Variants in FARSB observed in about 807,000 individuals in gnomAD.
FARSB encodes phenylalanine--tRNA ligase beta subunit.
Under a neutral mutation model 69.6 loss-of-function variants are expected in FARSB, and 40 were observed. That is an observed-to-expected ratio of 0.57 (90% CI 0.45 to 0.75). FARSB has a LOEUF of 0.75. Among genes scored for constraint, FARSB ranks in the 30% least tolerant of loss-of-function variants. The probability of loss-of-function intolerance (pLI) is 0.00; values close to 1 mark genes in which losing one functional copy is unlikely to be tolerated. For missense variants in FARSB, 632 were observed against 722.9 expected (o/e 0.87, Z 1.44); for synonymous variants, 235 against 247.2 (o/e 0.95, Z 0.46).
At chr2:222,617,469 A>C (rs1691027304) in intron 14 of FARSB, among the ~76,000 whole-genome samples, 2 of 152,188 alleles carry the variant, frequency 1.3e-5, no homozygotes, top group African/African-American at 4.8e-5. Context: ...GAGCTGAAAA[A>C]CTACCTATTG....
At chr2:222,598,950 A>G (rs1690493747) in intron 16 of FARSB, among the ~76,000 whole-genome samples, 1 of 152,178 alleles carries the variant, frequency 6.6e-6, no homozygotes, top group South Asian at 2.1e-4. Flanking sequence ...TTAAAAAAAA[A>G]AAAAGAACCA....
chr2:222,602,585 T>A (rs769273822), intron 15 of FARSB, among the ~76,000 whole-genome samples: 77 of 151,608 alleles, frequency 5.1e-4, no homozygotes, highest in African/African-American at 8.2e-4. Flanking sequence ...TTTTTTTTTT[T>A]ATACCATATT....
chr2:222,653,583 C>T (rs2106019883), intron 1 of FARSB, among the ~76,000 whole-genome samples: 1 of 152,108 alleles, frequency 6.6e-6, no homozygotes, highest in East Asian at 1.9e-4. Flanking sequence ...TCATTTCTGA[C>T]CTCTTGAAAG....
chr2:222,594,386 TAA>T (rs1690358522), intron 16 of FARSB, among the ~76,000 whole-genome samples: 1 of 152,160 alleles, frequency 6.6e-6, no homozygotes, highest in East Asian at 1.9e-4. Context: ...TAAATAACAT[TAA>T]GAGTTACCCA....
intron 2 of FARSB, among the ~76,000 whole-genome samples, chr2:222,647,680 G>A (rs978869567): frequency 2.6e-5 from 4 of 152,214 alleles, no homozygotes; most frequent in East Asian, 1.9e-4. Context: ...CAGGAGAATC[G>A]CCTGAACCCA....
chr2:222,595,258 T>A (rs898496975), intron 16 of FARSB, among the ~76,000 whole-genome samples: 16 of 152,230 alleles, frequency 1.1e-4, no homozygotes, highest in Non-Finnish European at 2.1e-4. Flanking sequence ...TGAACACTTT[T>A]ACTTCAACAA....
intron 14 of FARSB, among the ~76,000 whole-genome samples, chr2:222,618,719 A>G (rs1257750796): frequency 6.6e-6 from 1 of 152,236 alleles, no homozygotes; most frequent in Non-Finnish European, 1.5e-5. Context: ...CTGCCAATAA[A>G]CTTAGACAAT....
At chr2:222,573,139 G>A (rs1445384167) in intron 16 of FARSB, among the ~76,000 whole-genome samples, 1 of 152,018 alleles carries the variant, frequency 6.6e-6, no homozygotes, top group Non-Finnish European at 1.5e-5. Context: ...AGGGGAACCG[G>A]CTACTGTCAA....
Position 222,656,056 on chromosome 2 carries a change from C to A in FARSB, c.18G>T (p.Val6=), listed in dbSNP as rs1411847952. 1.3e-6 allele frequency: 2 copies of A among 1,597,454 alleles called. No homozygotes were observed. Among genetic ancestry groups the A allele is most frequent in the South Asian group, 2.3e-5 (2 of 88,796 alleles). MPTVS[V]KRDLLFQALG... ...GGGCTTGGAAGAGCAGATCACGCTT[C>A]ACGCTGACAGTCGGCATGGTGTGTC... The change falls in exon 1 of 17, where the codon GTG becomes GTT. Residue 6 remains valine (V), a synonymous_variant. Coordinates refer to ENST00000281828, the MANE Select transcript of FARSB (RefSeq NM_005687.5).
chr2:222,580,869 A>G (rs1333037576), intron 16 of FARSB, among the ~76,000 whole-genome samples: 7 of 152,188 alleles, frequency 4.6e-5, no homozygotes, highest in African/African-American at 1.7e-4. Flanking sequence ...GGAAGGGGGA[A>G]AATGAGGGTT....
At chr2:222,652,780 A>T (rs1574959565) in intron 1 of FARSB, among the ~76,000 whole-genome samples, 1 of 152,200 alleles carries the variant, frequency 6.6e-6, no homozygotes, top group Non-Finnish European at 1.5e-5. Flanking sequence ...GCCAGTCCCC[A>T]ATTCCTGACC....
At chr2:222,614,191 T>A (rs948165267) in intron 14 of FARSB, among the ~76,000 whole-genome samples, 1 of 152,200 alleles carries the variant, frequency 6.6e-6, no homozygotes, top group Non-Finnish European at 1.5e-5. Flanking sequence ...GAGAAACAAA[T>A]ACAACCTAAA....
At chr2:222,618,874 T>C (rs539128433) in intron 14 of FARSB, among the ~76,000 whole-genome samples, 75 of 152,286 alleles carry the variant, frequency 4.9e-4, no homozygotes, top group African/African-American at 1.7e-3. Flanking sequence ...TAGGTGCTCA[T>C]GCCTGTAATC....
chr2:222,603,700 ATT>A (rs1019798929), intron 15 of FARSB, among the ~76,000 whole-genome samples: 39 of 147,102 alleles, frequency 2.7e-4, no homozygotes, highest in Middle Eastern at 3.6e-3. Flanking sequence ...TATTATATAT[ATT>A]AGATAATAAT....
At chr2:222,574,787 CCT>C (rs1245814667) in intron 16 of FARSB, among the ~76,000 whole-genome samples, 2 of 152,194 alleles carry the variant, frequency 1.3e-5, no homozygotes, top group Non-Finnish European at 1.5e-5. Context: ...CTTATCGACT[CCT>C]CTTTTCAGCA....
At position 222,614,960 on chromosome 2, in the gene FARSB, T is replaced by TA. The variant is rs556976876; in HGVS notation, c.1345-1033dup. ...AAACAGAATACAAATATGTAGGTGC[T>TA]AAAAAATATATACAGCTGCTATGGG... On this transcript the variant is annotated intron_variant, in intron 14 of 16. Coordinates refer to ENST00000281828, the MANE Select transcript of FARSB (RefSeq NM_005687.5). 6.0e-3 allele frequency among the ~76,000 whole-genome samples: 913 copies of TA among 152,282 alleles called. 6 individuals are homozygous for TA. Among genetic ancestry groups the TA allele is most frequent in the South Asian group, 0.027 (129 of 4,830 alleles).
chr2:222,589,957 C>T (rs1015781036), intron 16 of FARSB, among the ~76,000 whole-genome samples: 3 of 152,160 alleles, frequency 2.0e-5, no homozygotes, highest in Non-Finnish European at 4.4e-5. Context: ...GACAGTGTGG[C>T]GATTCCTGAG....
chr2:222,626,581 A>C (rs550274953), intron 10 of FARSB, among the ~76,000 whole-genome samples: 117 of 152,328 alleles, frequency 7.7e-4, no homozygotes, highest in African/African-American at 2.7e-3. Context: ...CTTTTCAGAA[A>C]GCCCACCATT....
chr2:222,640,799 A>G, intron 4 of FARSB, 63 bp downstream of exon 4: 2 of 806,186 alleles, frequency 2.5e-6, no homozygotes, highest in Non-Finnish European at 4.1e-6. Flanking sequence ...TTTCCTCCCC[A>G]CTTTATACAG....
Sources: allele counts gnomAD v4.1 joint callset (sites outside exome capture counted in the v4.1 genomes callset), GRCh38; gene constraint gnomAD v4.1.1; transcripts MANE v1.5; gene names NCBI Gene and HGNC (gene_info 2026-07-23, HGNC 2026-07-21).